Variants in TRAPPC10 observed in about 807,000 individuals in gnomAD.
The protein encoded by TRAPPC10 is trafficking protein particle complex subunit 10.
In TRAPPC10, 23 loss-of-function variants were observed where a neutral mutation model predicts 125.5. The ratio of observed to expected loss-of-function variants is 0.18; its 90% CI spans 0.13 to 0.26. The LOEUF is 0.26. Ranked by LOEUF, TRAPPC10 falls within the 10% of genes least tolerant of loss-of-function variation. TRAPPC10 has a pLI of 1.00. For synonymous variants in TRAPPC10, 509 were observed against 518.0 expected, an observed-to-expected ratio of 0.98 and a Z score of 0.24; for missense variants, 1,123 against 1,308.4, an observed-to-expected ratio of 0.86 and a Z score of 2.19.
chr21:44,041,419 C>T (rs1011960434), intron 3 of TRAPPC10, among the ~76,000 whole-genome samples: 3 of 151,998 alleles, frequency 2.0e-5, no homozygotes, highest in African/African-American at 7.3e-5. Context: ...TCTTCTTGCC[C>T]AGGCTGGAGT....
intron 15 of TRAPPC10, among the ~76,000 whole-genome samples, 177 bp from the exon 16 acceptor site, chr21:44,086,625 A>G (rs966810599): frequency 1.3e-5 from 2 of 152,198 alleles, no homozygotes; most frequent in Admixed American, 1.3e-4. Flanking sequence ...TGTAGTCCAC[A>G]TCATTGAGAT....
chr21:44,031,888 AC>A (rs2033609670), intron 1 of TRAPPC10, among the ~76,000 whole-genome samples: 1 of 152,172 alleles, frequency 6.6e-6, no homozygotes. Context: ...TGGAGGTGTC[AC>A]GAGGGTTCAG....
In TRAPPC10 at chr21:44,087,702, A is replaced by G. The variant is rs2146164928; in HGVS notation, c.2543A>G (p.Gln848Arg). Residue 848 changes from glutamine to arginine, a missense_variant, in exon 17 of 23, where the codon CAG becomes CGG. Transcript: ENST00000291574. This position sits in a 1 kb window ranked among gnomAD's most constrained non-coding sequence, Gnocchi z 4.6. ...RAVVYSNTRE[Q>R]SSEAALRIQS... ...TGACTTTTTCTGTCCTTCGTAGAAC[A>G]GTCTTCTGAGGCCGCGCTCCGGATT... The G allele has an allele frequency of 6.2e-7, 1 of 1,613,228 alleles. No individual in the cohort carries two copies. Among genetic ancestry groups the G allele is most frequent in the Non-Finnish European group, 8.5e-7 (1 of 1,179,964 alleles).
intron 3 of TRAPPC10, among the ~76,000 whole-genome samples, chr21:44,042,821 A>C (rs1383503881): frequency 1.3e-5 from 2 of 152,188 alleles, no homozygotes; most frequent in Non-Finnish European, 2.9e-5. Context: ...AGGTGTTTAC[A>C]ACTTACAGTT....
chr21:44,060,755 C>T (rs2145901028), intron 6 of TRAPPC10, among the ~76,000 whole-genome samples: 1 of 151,646 alleles, frequency 6.6e-6, no homozygotes, highest in South Asian at 2.1e-4. Context: ...TGCATGCCAC[C>T]ATACCTGGCT....
chr21:44,079,782 T>C (rs1211583837), intron 12 of TRAPPC10, 78 bp downstream of exon 12: 1 of 1,459,286 alleles, frequency 6.9e-7, no homozygotes, highest in Non-Finnish European at 9.3e-7. Context: ...CAATGTTTCA[T>C]TCACACCTAT....
chr21:44,068,407 G>A (rs1425169201), intron 7 of TRAPPC10, among the ~76,000 whole-genome samples: 1 of 152,098 alleles, frequency 6.6e-6, no homozygotes, highest in Non-Finnish European at 1.5e-5. Flanking sequence ...GGCTTTGGGG[G>A]CAATGAAGGG....
chr21:44,077,847 T>A, intron 11 of TRAPPC10, 63 bp downstream of exon 11: 2 of 1,267,712 alleles, frequency 1.6e-6, no homozygotes, highest in South Asian at 1.3e-5. Context: ...AGATTTGTTA[T>A]ATATGGAGTT....
chr21:44,077,556 G>T, intron 10 of TRAPPC10, 137 bp from the exon 11 acceptor site: 1 of 562,418 alleles, frequency 1.8e-6, no homozygotes, highest in Non-Finnish European at 3.0e-6. Context: ...CTGTGCTCCA[G>T]CCTGGGCGAT....
intron 19 of TRAPPC10, 36 bp downstream of exon 19, chr21:44,092,085 ACAGAGAAC>A: frequency 6.2e-7 from 1 of 1,610,364 alleles, no homozygotes. Context: ...AAACTTCTCA[ACAGAGAAC>A]CAGAGTGTAC....
intron 1 of TRAPPC10, among the ~76,000 whole-genome samples, chr21:44,029,265 T>G (rs1252043584): frequency 1.3e-5 from 2 of 152,154 alleles, no homozygotes; most frequent in Non-Finnish European, 2.9e-5. Context: ...CAGCTAATTT[T>G]TTGTATTTTT....
chr21:44,076,459 G>T, intron 9 of TRAPPC10, 93 bp from the exon 10 acceptor site: 1 of 943,488 alleles, frequency 1.1e-6, no homozygotes, highest in Non-Finnish European at 1.7e-6. Flanking sequence ...AGTCAGATGA[G>T]GTCATCTACC....
chr21:44,025,135 G>A (rs1318985226), intron 1 of TRAPPC10, among the ~76,000 whole-genome samples: 1 of 152,228 alleles, frequency 6.6e-6, no homozygotes, highest in Non-Finnish European at 1.5e-5. Flanking sequence ...TTTCCGACGG[G>A]CCTGTTGGGA....
chr21:44,066,297 C>T (rs991839083), intron 7 of TRAPPC10, among the ~76,000 whole-genome samples: 4 of 152,220 alleles, frequency 2.6e-5, no homozygotes, highest in Non-Finnish European at 5.9e-5. Flanking sequence ...ATCCACACTC[C>T]AGGGGCGACG....
At chr21:44,039,995 A>G (rs2145742003) in intron 3 of TRAPPC10, among the ~76,000 whole-genome samples, 1 of 152,360 alleles carries the variant, frequency 6.6e-6, no homozygotes, top group East Asian at 1.9e-4. Context: ...CAGTGCTACA[A>G]CGTGCATAAG....
intron 3 of TRAPPC10, among the ~76,000 whole-genome samples, chr21:44,050,679 A>G (rs1339649228): frequency 6.6e-6 from 1 of 152,230 alleles, no homozygotes; most frequent in African/African-American, 2.4e-5. Flanking sequence ...AATGTGCACT[A>G]GATAATTAAG....
intron 9 of TRAPPC10, 99 bp downstream of exon 9, chr21:44,075,252 T>G: frequency 1.2e-6 from 1 of 827,806 alleles, no homozygotes; most frequent in Non-Finnish European, 2.0e-6. Flanking sequence ...AGAGTAATCA[T>G]ATTACTCACC....
chr21:44,069,055 A>C (rs574257535), intron 7 of TRAPPC10, among the ~76,000 whole-genome samples: 16 of 152,360 alleles, frequency 1.1e-4, no homozygotes, highest in Non-Finnish European at 1.5e-4. Context: ...AAATAAAATA[A>C]GAAAACTCTT....
At chr21:44,075,825 G>A (rs890384999) in intron 9 of TRAPPC10, among the ~76,000 whole-genome samples, 8 of 152,150 alleles carry the variant, frequency 5.3e-5, no homozygotes, top group African/African-American at 9.7e-5. Flanking sequence ...CGAGGTGGGC[G>A]GATCACCTGA....
Sources: gnomAD v4.1 joint callset for allele counts (sites outside exome capture counted in the v4.1 genomes callset) on GRCh38, gnomAD v4.1.1 for gene constraint, Gnocchi (gnomAD v3.1) non-coding constraint, MANE v1.5 for transcripts, NCBI Gene and HGNC (gene_info 2026-07-23, HGNC 2026-07-21) for gene names.